ETFBKMT: variants seen among roughly 807,000 people sequenced by gnomAD.
ETFBKMT encodes electron transfer flavoprotein subunit beta lysine methyltransferase.
In ETFBKMT, 13 loss-of-function variants were observed where a neutral mutation model predicts 18.3. The ratio of observed to expected loss-of-function variants is 0.71; its 90% CI spans 0.46 to 1.13. The LOEUF is 1.13. ETFBKMT is among the 50% of genes most tolerant of loss of function. ETFBKMT has a pLI of 0.00. For missense variants in ETFBKMT, 293 were observed against 306.2 expected (o/e 0.96, Z 0.32); for synonymous variants, 84 against 107.9 (o/e 0.78, Z 1.37).
chr12:31,647,576 C>T (rs998667127), intron 1 of ETFBKMT, among the ~76,000 whole-genome samples: 3 of 152,168 alleles, frequency 2.0e-5, no homozygotes, highest in African/African-American at 7.2e-5. Flanking sequence ...CGCGTGTAAT[C>T]CCAGCACTTT....
chr12:31,647,635 C>T (rs1261294114), intron 1 of ETFBKMT, among the ~76,000 whole-genome samples: 1 of 152,110 alleles, frequency 6.6e-6, no homozygotes, highest in Non-Finnish European at 1.5e-5. Context: ...TCGAGATCAG[C>T]CTGGCCAACA....
intron 1 of ETFBKMT, among the ~76,000 whole-genome samples, chr12:31,648,820 C>T (rs1264196491): frequency 6.6e-6 from 1 of 151,936 alleles, no homozygotes; most frequent in East Asian, 1.9e-4. Flanking sequence ...CTTGGCCTCC[C>T]AAAGTGCTGG....
upstream of ETFBKMT, among the ~76,000 whole-genome samples, chr12:31,657,484 T>C (rs1951071932): frequency 1.3e-5 from 2 of 152,134 alleles, no homozygotes; most frequent in Non-Finnish European, 2.9e-5. Context: ...AAAAAAATCA[T>C]TTAAGCTGCA....
intron 1 of ETFBKMT, among the ~76,000 whole-genome samples, chr12:31,653,797 A>C (rs960211472): frequency 9.9e-5 from 15 of 151,926 alleles, no homozygotes; most frequent in Non-Finnish European, 2.1e-4. Context: ...AAATACAAAA[A>C]ATTAGCTGGG....
chr12:31,654,225 T>C (rs1308754842), upstream of ETFBKMT, among the ~76,000 whole-genome samples: 1 of 152,126 alleles, frequency 6.6e-6, no homozygotes, highest in Non-Finnish European at 1.5e-5. Flanking sequence ...AATTTTTGTA[T>C]TTTTAGTAGA....
At chr12:31,666,250 C>A in intron 3 of ETFBKMT, 33 bp downstream of exon 3, 1 of 1,585,224 alleles carries the variant, frequency 6.3e-7, no homozygotes, top group South Asian at 1.2e-5. Context: ...ATTTAAGGCT[C>A]ATCTTTTTTT....
chr12:31,651,439 C>A (rs1481655492), intron 1 of ETFBKMT, among the ~76,000 whole-genome samples: 1 of 151,938 alleles, frequency 6.6e-6, no homozygotes, highest in African/African-American at 2.4e-5. Context: ...AAGCAATTCT[C>A]TAGCCTCAGC....
At chr12:31,650,621 C>T (rs115370707) in intron 1 of ETFBKMT, among the ~76,000 whole-genome samples, 2,481 of 104,978 alleles carry the variant, frequency 0.024, 86 homozygotes, top group African/African-American at 0.085. Flanking sequence ...ATTGAAATGA[C>T]CTGACCTTTT....
In ETFBKMT at chr12:31,662,265, T is replaced by G; in HGVS notation, c.312T>G (p.Ser104=). ...AIYWPGGQAL[S]RYLLDNPDVV... Reference sequence around the variant, plus strand: ...ACTGGCCAGGAGGCCAAGCCCTGTCTAGGTACTACCCTAATGAAACCTTTA... The same window carrying G: ...ACTGGCCAGGAGGCCAAGCCCTGTCGAGGTACTACCCTAATGAAACCTTTA... Residue 104 remains serine (S), a splice_region_variant and synonymous_variant, in exon 2 of 4, where the codon TCT becomes TCG. Transcript: ENST00000357721. 1.9e-6 allele frequency: 3 copies of G among 1,613,844 alleles called. No individual in the cohort carries two copies. The highest frequency in any genetic ancestry group is 2.5e-6 in the Non-Finnish European group (3 of 1,179,848).
At chr12:31,647,703 C>T (rs1231549588) in intron 1 of ETFBKMT, among the ~76,000 whole-genome samples, 1 of 152,140 alleles carries the variant, frequency 6.6e-6, no homozygotes, top group Non-Finnish European at 1.5e-5. Flanking sequence ...GTGGCAGGTG[C>T]CTGTAATCCC....
intron 2 of ETFBKMT, among the ~76,000 whole-genome samples, chr12:31,663,332 C>G (rs1565750065): frequency 6.6e-6 from 1 of 152,006 alleles, no homozygotes; most frequent in Non-Finnish European, 1.5e-5. Flanking sequence ...ACCTCGTGAT[C>G]CGCCCTCCTC....
intron 1 of ETFBKMT, among the ~76,000 whole-genome samples, chr12:31,661,281 G>C (rs1951119946): frequency 6.6e-6 from 1 of 152,170 alleles, no homozygotes; most frequent in South Asian, 2.1e-4. Flanking sequence ...TTTCCTGTAA[G>C]AGGCATTTTC....
rs200404212 is a variant in ETFBKMT at position 31,667,762 on chromosome 12, C to A, written c.561C>A (p.Gly187=). The A allele has an allele frequency of 6.2e-7, 1 of 1,613,768 alleles. No homozygotes were observed. Residue 187 remains glycine, a synonymous_variant, in exon 4 of 4, where the codon GGC becomes GGA. Transcript: ENST00000357721. ...EQDKWDLVVL[G]DMFYDEDLAD... ...ATAAGTGGGACCTTGTTGTTCTTGGCGATATGTTTTATGATGAAGACCTTG... is the reference window on the plus strand; with the variant it reads ...ATAAGTGGGACCTTGTTGTTCTTGGAGATATGTTTTATGATGAAGACCTTG...
chr12:31,654,396 A>G (rs1951042978), upstream of ETFBKMT, among the ~76,000 whole-genome samples: 1 of 152,208 alleles, frequency 6.6e-6, no homozygotes, highest in Non-Finnish European at 1.5e-5. Flanking sequence ...TACACCTACC[A>G]TATGATCTAG....
rs550945103 is a variant in ETFBKMT at position 31,663,527 on chromosome 12, T to A, written c.314+1260T>A. On this transcript the variant is annotated intron_variant, in intron 2 of 3. Transcript: ENST00000357721. ...AGGCATGAGCCATCGTGCCTGGCAG[T>A]AGCAGCTATTTAGACAGGGCATGTA... Among the ~76,000 whole-genome samples, 36 of 152,330 alleles carry A rather than the reference T, an allele frequency of 2.4e-4. No individual in the cohort carries two copies. In the South Asian group the frequency reaches 4.6e-3, roughly 19 times the overall value.
chr12:31,660,558 A>G (rs1433009300), intron 1 of ETFBKMT, among the ~76,000 whole-genome samples: 2 of 152,294 alleles, frequency 1.3e-5, no homozygotes, highest in East Asian at 1.9e-4. Context: ...TTAGTGATCA[A>G]TTGCACAGGT....
At chr12:31,664,622 T>TTC (rs1398005161) in intron 2 of ETFBKMT, among the ~76,000 whole-genome samples, 1 of 150,802 alleles carries the variant, frequency 6.6e-6, no homozygotes, top group African/African-American at 2.4e-5. Context: ...CTTTCTTTTT[T>TTC]TTTTTTTTTT....
chr12:31,661,793 G>A, intron 1 of ETFBKMT, 48 bp from the exon 2 acceptor site: 1 of 681,010 alleles, frequency 1.5e-6, no homozygotes, highest in Non-Finnish European at 2.5e-6. Context: ...ATCTAGAAAT[G>A]TTGCTCTTCC....
At chr12:31,651,332 CG>C (rs372488023) in intron 1 of ETFBKMT, among the ~76,000 whole-genome samples, 5 of 144,282 alleles carry the variant, frequency 3.5e-5, no homozygotes, top group African/African-American at 1.3e-4. Context: ...TTTTTTGAGA[CG>C]GAGTCTTGCT....
Sources: allele counts gnomAD v4.1 joint callset (sites outside exome capture counted in the v4.1 genomes callset), GRCh38; gene constraint gnomAD v4.1.1; transcripts MANE v1.5; gene names NCBI Gene and HGNC (gene_info 2026-07-23, HGNC 2026-07-21).